The following COL23A1 variants were observed in gnomAD, a reference collection of about 807,000 sequenced individuals.
COL23A1 encodes the protein collagen type XXIII alpha 1 chain.
In COL23A1, 97 loss-of-function variants were observed where a neutral mutation model predicts 99.3. The observed-to-expected ratio is 0.98, with a 90% confidence interval of 0.83 to 1.16. The LOEUF (loss-of-function observed/expected upper bound fraction) is 1.16, where lower values mean the gene tolerates loss of function less well. Ranked by LOEUF, COL23A1 falls within the 50% of genes most tolerant of loss-of-function variation. The pLI is 0.00. For missense variants in COL23A1, 762 were observed against 757.4 expected (o/e 1.01, Z -0.07); for synonymous variants, 320 against 308.2 (o/e 1.04, Z -0.40).
chr5:178,266,621 C>T (rs1226837458), intron 8 of COL23A1, among the ~76,000 whole-genome samples: 1 of 152,172 alleles, frequency 6.6e-6, no homozygotes, highest in Non-Finnish European at 1.5e-5. Flanking sequence ...AGCATGAGCG[C>T]CCTTTCTTTG....
intron 2 of COL23A1, among the ~76,000 whole-genome samples, chr5:178,316,293 T>C (rs1321907134): frequency 2.6e-5 from 4 of 152,238 alleles, no homozygotes; most frequent in African/African-American, 9.6e-5. Context: ...TCTGGGTTTG[T>C]TACCTTCTTA....
At chr5:178,452,994 G>A (rs1767571615) in intron 2 of COL23A1, among the ~76,000 whole-genome samples, 1 of 152,136 alleles carries the variant, frequency 6.6e-6, no homozygotes, top group African/African-American at 2.4e-5. Flanking sequence ...GCAAAAGAGT[G>A]GACACAACTG....
intron 2 of COL23A1, among the ~76,000 whole-genome samples, chr5:178,368,526 C>T (rs1054884325): frequency 4.6e-5 from 7 of 152,186 alleles, no homozygotes; most frequent in East Asian, 1.9e-4. Flanking sequence ...TGTAATGACA[C>T]GTAGCCACCG....
At chr5:178,419,488 C>G (rs1013129386) in intron 2 of COL23A1, among the ~76,000 whole-genome samples, 1 of 152,214 alleles carries the variant, frequency 6.6e-6, no homozygotes, top group Admixed American at 6.5e-5. Context: ...TTAATCTGCA[C>G]AGCAAACCCT....
chr5:178,259,225 T>C, intron 12 of COL23A1, among the ~76,000 whole-genome samples: 1 of 151,978 alleles, frequency 6.6e-6, no homozygotes, highest in Non-Finnish European at 1.5e-5. Context: ...CTGCTGGCCT[T>C]GGAGGAGGGT....
intron 2 of COL23A1, among the ~76,000 whole-genome samples, chr5:178,433,752 C>T (rs1205385375): frequency 1.3e-5 from 2 of 152,164 alleles, no homozygotes; most frequent in Non-Finnish European, 1.5e-5. Context: ...TTCATTTAAC[C>T]CTCTGTTAAT....
chr5:178,404,418 G>C (rs1209573853), intron 2 of COL23A1, among the ~76,000 whole-genome samples: 1 of 152,196 alleles, frequency 6.6e-6, no homozygotes, highest in East Asian at 1.9e-4. Context: ...ACTTCATGCA[G>C]GAGGAGATTC....
At chr5:178,480,518 G>A (rs1757278162) in intron 2 of COL23A1, among the ~76,000 whole-genome samples, 1 of 152,212 alleles carries the variant, frequency 6.6e-6, no homozygotes, top group Admixed American at 6.5e-5. Flanking sequence ...CAGTTTGAAA[G>A]CACCAGGCCT....
In COL23A1 at chr5:178,415,680, G is replaced by C. The variant is rs4519942; in HGVS notation, c.362-108761C>G. Reference sequence around the variant, plus strand: ...CGGGCGGCGGTGAGGTGGGCAGTCAGCAGACTGTCCCACGCCACATCTGTG... The same window carrying C: ...CGGGCGGCGGTGAGGTGGGCAGTCACCAGACTGTCCCACGCCACATCTGTG... On this transcript the variant is annotated intron_variant, in intron 2 of 28. Coordinates refer to ENST00000390654, the MANE Select transcript of COL23A1 (RefSeq NM_173465.4). The surrounding 1 kb of genome is among the most constrained non-coding windows in gnomAD (Gnocchi z 4.6). Among the ~76,000 whole-genome samples, 50,398 of 151,852 alleles carry C rather than the reference G, an allele frequency of 0.33. 8,452 individuals carry two copies. Among genetic ancestry groups the C allele is most frequent in the African/African-American group, 0.41 (16,856 of 41,406 alleles).
chr5:178,421,630 A>T (rs1266508244), intron 2 of COL23A1, among the ~76,000 whole-genome samples: 2 of 152,172 alleles, frequency 1.3e-5, no homozygotes, highest in Non-Finnish European at 2.9e-5. Context: ...GCACTTTGGG[A>T]GGCTGAGGCA....
chr5:178,247,931 T>A, intron 20 of COL23A1, 100 bp from the exon 21 acceptor site: 1 of 1,093,326 alleles, frequency 9.1e-7, no homozygotes, highest in Non-Finnish European at 1.3e-6. Flanking sequence ...GTCTCCTTCC[T>A]GCCCCCCAGA....
intron 5 of COL23A1, 83 bp from the exon 6 acceptor site, chr5:178,270,446 G>A (rs75492956): frequency 1.3e-6 from 2 of 1,542,032 alleles, no homozygotes; most frequent in East Asian, 4.6e-5. Flanking sequence ...GCACTATTCA[G>A]TGACAAGAAA....
In COL23A1 at chr5:178,310,576, GTCTGTGGC is replaced by G. The variant is rs1413218505; in HGVS notation, c.362-3665_362-3658del. Among the ~76,000 whole-genome samples the G allele has an allele frequency of 6.6e-6, 1 of 152,202 alleles. No homozygotes were observed. The highest frequency in any genetic ancestry group is 2.4e-5 in the African/African-American group (1 of 41,454). ...CTAGAGCCTCCTGGAGCCCTTCATA[GTCTGTGGC>G]TCCCAAGTGCAAGGACAGTTGTGTC... is the stretch of plus-strand genomic sequence containing the variant. On this transcript the variant is annotated intron_variant, in intron 2 of 28. Coordinates refer to ENST00000390654, the MANE Select transcript of COL23A1 (RefSeq NM_173465.4). This position sits in a 1 kb window ranked among gnomAD's most constrained non-coding sequence, Gnocchi z 4.3.
intron 2 of COL23A1, among the ~76,000 whole-genome samples, chr5:178,554,399 G>C (rs186955911): frequency 1.0e-3 from 154 of 152,100 alleles, no homozygotes; most frequent in Non-Finnish European, 1.6e-3. Context: ...GGCTGCTCTC[G>C]AACTCCTGAC....
At chr5:178,502,672 C>T (rs752689655) in intron 2 of COL23A1, among the ~76,000 whole-genome samples, 8 of 152,130 alleles carry the variant, frequency 5.3e-5, no homozygotes, top group East Asian at 1.9e-4. Context: ...TGCAAATGAA[C>T]GTTAGGATGT....
At chr5:178,505,394 C>T (rs1467616095) in intron 2 of COL23A1, among the ~76,000 whole-genome samples, 4 of 152,022 alleles carry the variant, frequency 2.6e-5, no homozygotes, top group Non-Finnish European at 5.9e-5. Context: ...GGATTACAGG[C>T]GCACACCATC....
rs540334881 is a variant in COL23A1 at position 178,340,216 on chromosome 5, G to A, written c.362-33297C>T. Reference sequence around the variant, plus strand: ...ATGAAAGTTCCTAGGCAGGGAGCCTGCTGCAGGGATGGGCCTGGCTGAGAA... The same window carrying A: ...ATGAAAGTTCCTAGGCAGGGAGCCTACTGCAGGGATGGGCCTGGCTGAGAA... On this transcript the variant is annotated intron_variant, in intron 2 of 28. Transcript: ENST00000390654. This position sits in a 1 kb window ranked among gnomAD's most constrained non-coding sequence, Gnocchi z 4.7. Among the ~76,000 whole-genome samples, 15 of 152,312 alleles carry A rather than the reference G, an allele frequency of 9.8e-5. No homozygotes were observed. In the South Asian group the frequency reaches 2.9e-3, roughly 29 times the overall value.
At chr5:178,259,215 C>T (rs368415051) in intron 12 of COL23A1, among the ~76,000 whole-genome samples, 2 of 152,144 alleles carry the variant, frequency 1.3e-5, no homozygotes, top group East Asian at 3.9e-4. Flanking sequence ...GCCAGTGTGC[C>T]TGCTGGCCTT....
rs78984764 is a variant in COL23A1, at chr5:178,247,778, C to G, written c.1266G>C (p.Pro422=). Residue 422 remains proline, a synonymous_variant, in exon 21 of 29, where the codon CCG becomes CCC. Coordinates refer to ENST00000390654, the MANE Select transcript of COL23A1 (RefSeq NM_173465.4). ...AACCAAAGCAAACCGTCCTTACCATCGGGCCTGGGGGGCCAGGGGGGCCAG... is the reference window on the plus strand; with the variant it reads ...AACCAAAGCAAACCGTCCTTACCATGGGGCCTGGGGGGCCAGGGGGGCCAG... The part of the protein sequence containing the change: ...GPPGPPGPPG[P]MGLQGIQGPK... 4 of 1,613,222 alleles carry G rather than the reference C, an allele frequency of 2.5e-6. No individual in the cohort carries two copies. The East Asian group carries it at 8.9e-5, about 36-fold the overall frequency.
Sources: gnomAD v4.1 joint callset for allele counts (sites outside exome capture counted in the v4.1 genomes callset) on GRCh38, gnomAD v4.1.1 for gene constraint, Gnocchi (gnomAD v3.1) non-coding constraint, MANE v1.5 for transcripts, NCBI Gene and HGNC (gene_info 2026-07-23, HGNC 2026-07-21) for gene names.